Variants in RASA1 observed in about 807,000 individuals in gnomAD.
RASA1 encodes ras GTPase-activating protein 1.
RASA1 carries 25 observed loss-of-function variants against 132.2 expected under a neutral mutation model. The observed-to-expected ratio is 0.19, with a 90% CI of 0.14 to 0.26. The LOEUF (loss-of-function observed/expected upper bound fraction) is 0.26, where lower values mean the gene tolerates loss of function less well. Ranked by LOEUF, RASA1 falls within the 10% of genes least tolerant of loss-of-function variation. The pLI is 1.00. For synonymous variants in RASA1, 477 were observed against 449.9 expected (o/e 1.06, Z -0.76); for missense variants, 964 against 1,299.2 (o/e 0.74, Z 3.97).
At chr5:87,352,358 A>G (rs1759336849) in intron 8 of RASA1, among the ~76,000 whole-genome samples, 1 of 151,586 alleles carries the variant, frequency 6.6e-6, no homozygotes, top group Non-Finnish European at 1.5e-5. Flanking sequence ...GTTAAACAAA[A>G]TCTGTCTGGA....
At chr5:87,344,947 T>C (rs979156420) in intron 6 of RASA1, among the ~76,000 whole-genome samples, 5 of 152,146 alleles carry the variant, frequency 3.3e-5, no homozygotes, top group Non-Finnish European at 7.4e-5. Flanking sequence ...ACAGTATTGG[T>C]ACCCTTCTCT....
chr5:87,362,600 A>C lies in RASA1; in HGVS notation c.1382A>C (p.Asn461Thr). 6.3e-7 allele frequency: 1 copy of C among 1,596,900 alleles called. No homozygotes were observed. The highest frequency in any genetic ancestry group is 8.6e-7 in the Non-Finnish European group (1 of 1,164,418). The part of the protein sequence containing the change: ...NDTVDGKEIY[N>T]TIRRKTKDAF... ...ACAGTGGATGGCAAGGAAATCTATA[A>C]TACCATCCGTCGTAAAACAAAGGAT... The change falls in exon 10 of 25, where the codon AAT (asparagine) becomes ACT (threonine). Residue 461 changes from asparagine to threonine, a missense_variant. Asn to Thr is a moderately conservative substitution (Grantham distance 65). This residue lies in a region of RASA1 where 346 missense variants were observed against 520.1 expected (regional missense o/e 0.67). Coordinates refer to ENST00000274376, the MANE Select transcript of RASA1 (RefSeq NM_002890.3).
At chr5:87,370,388 G>A (rs1045632949) in intron 12 of RASA1, among the ~76,000 whole-genome samples, 5 of 152,178 alleles carry the variant, frequency 3.3e-5, no homozygotes, top group Non-Finnish European at 7.4e-5. Flanking sequence ...ATTAATCCAT[G>A]TGCAGTGTCC....
intron 1 of RASA1, among the ~76,000 whole-genome samples, chr5:87,296,885 G>C (rs1412738247): frequency 6.6e-6 from 1 of 152,050 alleles, no homozygotes; most frequent in African/African-American, 2.4e-5. Context: ...TTGTTTCCTT[G>C]TGTTACCAGT....
intron 1 of RASA1, among the ~76,000 whole-genome samples, chr5:87,286,839 C>A (rs563003323): frequency 6.7e-6 from 1 of 149,290 alleles, no homozygotes; most frequent in African/African-American, 2.5e-5. Flanking sequence ...TATATATATA[C>A]CATATATATA....
Position 87,349,373 on chromosome 5 carries a change from T to C in RASA1, c.1253+9T>C. The C allele has an allele frequency of 6.2e-7, 1 of 1,611,010 alleles. No homozygotes were observed. Among genetic ancestry groups the C allele is most frequent in the Non-Finnish European group, 8.5e-7 (1 of 1,177,986 alleles). On this transcript the variant is annotated intron_variant, in intron 8 of 24. Coordinates refer to ENST00000274376, the MANE Select transcript of RASA1 (RefSeq NM_002890.3). ...GGCCGGTATTATAACAGGTAAATCA[T>C]AATTTTTTAGCTATCTTTTACTTTT...
At chr5:87,353,301 T>G (rs907861608) in intron 9 of RASA1, 66 bp downstream of exon 9, 5 of 1,262,806 alleles carry the variant, frequency 4.0e-6, no homozygotes, top group Non-Finnish European at 5.8e-6. Context: ...GGTGGTATGT[T>G]TTTGCACACA....
intron 1 of RASA1, among the ~76,000 whole-genome samples, chr5:87,310,945 G>T (rs1333313895): frequency 6.6e-6 from 1 of 152,006 alleles, no homozygotes; most frequent in Non-Finnish European, 1.5e-5. Context: ...AAAAAATAAA[G>T]CCAGTTCCAG....
rs1285477843 is a variant in RASA1 at position 87,333,464 on chromosome 5, A to G, written c.899+127A>G. The G allele has an allele frequency of 3.7e-5, 52 of 1,417,040 alleles. No homozygotes were observed. The Middle Eastern group carries it at 5.5e-4, about 15-fold the overall frequency. The allele number at this position is 1,417,040 out of a possible 1,614,324, so 87.8% of individuals were successfully genotyped here. A position where few individuals can be genotyped will look rare whatever the true frequency, so the allele number is the denominator to read the frequency against. ...ATACAGCAAGGTGAAAGAGCTTTTGATATTGGGTCTGTTGGTCCTGTATCT... is the reference window on the plus strand; with the variant it reads ...ATACAGCAAGGTGAAAGAGCTTTTGGTATTGGGTCTGTTGGTCCTGTATCT... On this transcript the variant is annotated intron_variant, in intron 4 of 24. Transcript: ENST00000274376.
In RASA1 at chr5:87,315,788, A is replaced by C. The variant is rs138716945; in HGVS notation, c.540-15560A>C. On this transcript the variant is annotated intron_variant, in intron 1 of 24. Coordinates refer to ENST00000274376, the MANE Select transcript of RASA1 (RefSeq NM_002890.3). ...TGTATATTAGTAATCAAGCAGATTA[A>C]ATACTTCCTAGGAATTATGGTTATT... Among the ~76,000 whole-genome samples, 254 of 152,318 alleles carry C rather than the reference A, an allele frequency of 1.7e-3. 1 individual carries two copies. Among genetic ancestry groups the C allele is most frequent in the African/African-American group, 5.9e-3 (244 of 41,560 alleles).
At chr5:87,384,883 AAAT>A (rs1007390736) in intron 21 of RASA1, among the ~76,000 whole-genome samples, 9 of 152,086 alleles carry the variant, frequency 5.9e-5, no homozygotes, top group African/African-American at 2.2e-4. Context: ...TTTGGACTGC[AAAT>A]AATGTTGGGA....
intron 1 of RASA1, among the ~76,000 whole-genome samples, chr5:87,272,506 T>C (rs1753889321): frequency 6.6e-6 from 1 of 151,746 alleles, no homozygotes; most frequent in Non-Finnish European, 1.5e-5. Context: ...ATCCGTAAAA[T>C]GGGGATAGGA....
chr5:87,283,817 AG>A (rs1754425515), intron 1 of RASA1, among the ~76,000 whole-genome samples: 1 of 152,110 alleles, frequency 6.6e-6, no homozygotes, highest in Non-Finnish European at 1.5e-5. Context: ...TTGTTTCAGT[AG>A]GAGAATGAAG....
intron 1 of RASA1, among the ~76,000 whole-genome samples, chr5:87,272,358 T>TAA (rs2112230365): frequency 6.6e-6 from 1 of 152,254 alleles, no homozygotes; most frequent in East Asian, 1.9e-4. Flanking sequence ...TATTTCATCT[T>TAA]AGTTATCAAC....
intron 11 of RASA1, among the ~76,000 whole-genome samples, chr5:87,368,990 T>G (rs1276096478): frequency 6.6e-6 from 1 of 152,230 alleles, no homozygotes; most frequent in African/African-American, 2.4e-5. Context: ...TTTCCATGAT[T>G]ACTTTTAAGA....
intron 24 of RASA1, 33 bp downstream of exon 24, chr5:87,389,560 G>GT (rs761444096): frequency 1.2e-6 from 2 of 1,609,664 alleles, no homozygotes; most frequent in Admixed American, 3.3e-5. Flanking sequence ...TAACAATGAT[G>GT]TTTCAAAGAT....
rs566449850 is a variant in RASA1 at position 87,362,781 on chromosome 5, T to C, written c.1453+110T>C. 31 of 1,282,030 alleles carry C rather than the reference T, an allele frequency of 2.4e-5. No homozygotes were observed. In the African/African-American group the frequency reaches 3.7e-4, roughly 15 times the overall value. The allele number at this position is 1,282,030 out of a possible 1,614,324, so 79.4% of individuals were successfully genotyped here. A position where few individuals can be genotyped will look rare whatever the true frequency, so the allele number is the denominator to read the frequency against. Reference sequence around the variant, plus strand: ...AAGTTTTGACATGAGTTATTAGTAATTGACACTTGTTTAGAGCCCATATAT... The same window carrying C: ...AAGTTTTGACATGAGTTATTAGTAACTGACACTTGTTTAGAGCCCATATAT... On this transcript the variant is annotated intron_variant, in intron 10 of 24. Coordinates refer to ENST00000274376, the MANE Select transcript of RASA1 (RefSeq NM_002890.3).
intron 1 of RASA1, among the ~76,000 whole-genome samples, chr5:87,291,154 T>G (rs371980484): frequency 6.6e-6 from 1 of 152,214 alleles, no homozygotes; most frequent in African/African-American, 2.4e-5. Context: ...TTGTAAAAGG[T>G]GTATAGTGAT....
At chr5:87,324,991 C>A (rs1270579582) in intron 1 of RASA1, among the ~76,000 whole-genome samples, 3 of 151,688 alleles carry the variant, frequency 2.0e-5, no homozygotes, top group Admixed American at 1.3e-4. Flanking sequence ...TGTATTAGTT[C>A]ATTCTCATGA....
Sources: gnomAD v4.1 joint callset for allele counts (sites outside exome capture counted in the v4.1 genomes callset) on GRCh38, gnomAD v4.1.1 for gene constraint, gnomAD v4.1.1 regional missense constraint, MANE v1.5 for transcripts, NCBI Gene and HGNC (gene_info 2026-07-23, HGNC 2026-07-21) for gene names.